Variants in ADARB2 observed in about 807,000 individuals in gnomAD.
The protein encoded by ADARB2 is inactive double-stranded RNA-specific editase B2.
In ADARB2, 25 loss-of-function variants were observed where a neutral mutation model predicts 62.2. The ratio of observed to expected loss-of-function variants is 0.40; its 90% CI spans 0.29 to 0.56. ADARB2 has a LOEUF of 0.56. ADARB2 is among the 20% of genes least tolerant of loss of function. The probability of loss-of-function intolerance (pLI) is 0.43; values close to 1 mark genes in which losing one functional copy is unlikely to be tolerated. For synonymous variants in ADARB2, 572 were observed against 500.8 expected (o/e 1.14, Z -1.90); for missense variants, 1,071 against 1,077.4 (o/e 0.99, Z 0.08).
In ADARB2 at chr10:1,405,886, T is replaced by TACACCC. The variant is rs1564281228; in HGVS notation, c.101-26727_101-26726insGGGTGT. 2.0e-5 allele frequency among the ~76,000 whole-genome samples: 3 copies of TACACCC among 152,014 alleles called. 1 individual carries two copies. Among genetic ancestry groups the TACACCC allele is most frequent in the Non-Finnish European group, 2.9e-5 (2 of 67,954 alleles). On this transcript the variant is annotated intron_variant, in intron 1 of 9. Transcript: ENST00000381312. ...CCATTTATGAAACCCTTCGCCATGA[T>TACACCC]GCACCTGTTTATTAAACCCTTCCCC...
intron 1 of ADARB2, among the ~76,000 whole-genome samples, chr10:1,563,780 C>A (rs1480137508): frequency 8.7e-6 from 1 of 114,312 alleles, no homozygotes; most frequent in South Asian, 4.2e-4. Flanking sequence ...TCCCTCCCCC[C>A]TCCCCCCACC....
intron 6 of ADARB2, among the ~76,000 whole-genome samples, chr10:1,225,759 A>T (rs1238603702): frequency 6.6e-6 from 1 of 151,042 alleles, no homozygotes; most frequent in East Asian, 2.0e-4. Context: ...TCTGGCTTGT[A>T]GAGTTTCTGC....
At chr10:1,288,662 C>G (rs57607122) in intron 3 of ADARB2, among the ~76,000 whole-genome samples, 2,166 of 152,292 alleles carry the variant, frequency 0.014, 56 homozygotes, top group African/African-American at 0.049. Context: ...AGGTAGGAGG[C>G]CTGCCATGGC....
intron 1 of ADARB2, among the ~76,000 whole-genome samples, chr10:1,475,815 C>T (rs1831392182): frequency 6.6e-6 from 1 of 152,164 alleles, no homozygotes; most frequent in African/African-American, 2.4e-5. Flanking sequence ...GGAGCCTTAT[C>T]TCAGGATGCA....
chr10:1,648,548 T>A (rs903117705), intron 1 of ADARB2, among the ~76,000 whole-genome samples: 14 of 152,214 alleles, frequency 9.2e-5, no homozygotes, highest in African/African-American at 2.7e-4. Flanking sequence ...GCTCGAGAAC[T>A]GTTCACTTAG....
At position 1,177,821 on chromosome 10, in the gene ADARB2, C is replaced by G. The variant is rs185287284; in HGVS notation, c.*5372G>C. ...TGGTGTGAATCTCTAGAGGCCAGCGCGGTGGCTCATGCCTGTAATCCCAGC... is the reference window on the plus strand; with the variant it reads ...TGGTGTGAATCTCTAGAGGCCAGCGGGGTGGCTCATGCCTGTAATCCCAGC... On this transcript the variant is annotated 3_prime_UTR_variant, in exon 10 of 10. Transcript: ENST00000381312. 2.0e-5 allele frequency: 3 copies of G among 152,294 alleles called. No individual in the cohort carries two copies. The highest frequency in any genetic ancestry group is 2.9e-5 in the Non-Finnish European group (2 of 68,112). 9.4% of individuals were successfully genotyped at this position (152,294 alleles called of 1,614,324 possible).
At chr10:1,486,718 T>C (rs1265317451) in intron 1 of ADARB2, among the ~76,000 whole-genome samples, 2 of 152,032 alleles carry the variant, frequency 1.3e-5, no homozygotes, top group Non-Finnish European at 2.9e-5. Flanking sequence ...GAACTGAGGG[T>C]GACCAGGGTT....
At chr10:1,443,231 A>G (rs1830925299) in intron 1 of ADARB2, among the ~76,000 whole-genome samples, 1 of 151,984 alleles carries the variant, frequency 6.6e-6, no homozygotes, top group Non-Finnish European at 1.5e-5. Flanking sequence ...CTTGGGACTC[A>G]TTTTTCCTTA....
At chr10:1,647,598 ATGTC>A (rs150359179) in intron 1 of ADARB2, among the ~76,000 whole-genome samples, 219 of 152,010 alleles carry the variant, frequency 1.4e-3, no homozygotes, top group African/African-American at 4.9e-3. Context: ...GTGTGTATAT[ATGTC>A]TGTGTGGGGA....
intron 1 of ADARB2, among the ~76,000 whole-genome samples, chr10:1,465,364 C>T (rs922123870): frequency 6.6e-6 from 1 of 152,196 alleles, no homozygotes; most frequent in Admixed American, 6.5e-5. Flanking sequence ...TGTGTGTTAA[C>T]GATACCTCAG....
At chr10:1,706,277 T>C (rs1322847108) in intron 1 of ADARB2, among the ~76,000 whole-genome samples, 1 of 152,228 alleles carries the variant, frequency 6.6e-6, no homozygotes, top group African/African-American at 2.4e-5. Context: ...TGGCTGACCA[T>C]GTTTCTTGCC....
At chr10:1,399,665 C>G (rs1045698022) in intron 1 of ADARB2, among the ~76,000 whole-genome samples, 1 of 152,132 alleles carries the variant, frequency 6.6e-6, no homozygotes, top group African/African-American at 2.4e-5. Context: ...GAGACGCATT[C>G]GTAAATGTGG....
At position 1,181,710 on chromosome 10, in the gene ADARB2, C is replaced by G. The variant is rs1168048102; in HGVS notation, c.*1483G>C. 2 of 152,172 alleles carry G rather than the reference C, an allele frequency of 1.3e-5. No homozygotes were observed. The highest frequency in any genetic ancestry group is 4.8e-5 in the African/African-American group (2 of 41,432). 9.4% of individuals were successfully genotyped at this position (152,172 alleles called of 1,614,324 possible). A position where few individuals can be genotyped will look rare whatever the true frequency, so the allele number is the denominator to read the frequency against. On this transcript the variant is annotated 3_prime_UTR_variant, in exon 10 of 10. Transcript: ENST00000381312. ...TCAGCTGGGATTCTTTCCGGGAAGC[C>G]CACACCCCAGAGGTGGACACCACCA...
intron 1 of ADARB2, among the ~76,000 whole-genome samples, chr10:1,630,441 G>A (rs1833828450): frequency 6.6e-6 from 1 of 152,116 alleles, no homozygotes; most frequent in South Asian, 2.1e-4. Context: ...GGAGGAAAGT[G>A]GCTTACCCTG....
rs149815469 is a variant in ADARB2, at chr10:1,678,857, G to A, written c.100+58194C>T. Among the ~76,000 whole-genome samples, 474 of 152,162 alleles carry A rather than the reference G, an allele frequency of 3.1e-3. 7 individuals carry two copies. Among genetic ancestry groups the A allele is most frequent in the African/African-American group, 0.011 (451 of 41,520 alleles). On this transcript the variant is annotated intron_variant, in intron 1 of 9. Coordinates refer to ENST00000381312, the MANE Select transcript of ADARB2 (RefSeq NM_018702.4). ...CGGGCACTTGTCCCTCCTGGACCCT[G>A]CTGCCTGGGGTTGTCTTGCCCACCA... is the stretch of plus-strand genomic sequence containing the variant.
chr10:1,303,894 C>T (rs927177476), intron 3 of ADARB2, among the ~76,000 whole-genome samples: 1 of 151,792 alleles, frequency 6.6e-6, no homozygotes, highest in Admixed American at 6.6e-5. Context: ...TGGAAAGGAA[C>T]AACCGGTACC....
At chr10:1,189,019 A>C (rs1836802197) in intron 8 of ADARB2, among the ~76,000 whole-genome samples, 1 of 150,632 alleles carries the variant, frequency 6.6e-6, no homozygotes, top group African/African-American at 2.5e-5. Flanking sequence ...TTCCTCACCG[A>C]CATGGAAGGG....
chr10:1,435,165 G>A (rs17156330), intron 1 of ADARB2, among the ~76,000 whole-genome samples: 10,385 of 152,342 alleles, frequency 0.068, 509 homozygotes, highest in East Asian at 0.19. Context: ...GGTGTCCCCG[G>A]GCTGTGGATG....
chr10:1,515,466 A>G (rs1168165561), intron 1 of ADARB2, among the ~76,000 whole-genome samples: 1 of 152,260 alleles, frequency 6.6e-6, no homozygotes, highest in Non-Finnish European at 1.5e-5. Flanking sequence ...TGAGGGGGAC[A>G]TTCACACTGC....
Sources: allele counts gnomAD v4.1 joint callset (sites outside exome capture counted in the v4.1 genomes callset), GRCh38; gene constraint gnomAD v4.1.1; transcripts MANE v1.5; gene names NCBI Gene and HGNC (gene_info 2026-07-23, HGNC 2026-07-21).